The following PDE9A variants were observed in gnomAD, a reference collection of about 807,000 sequenced individuals.
The protein encoded by PDE9A is phosphodiesterase 9A.
PDE9A carries 60 observed loss-of-function variants against 87.4 expected under a neutral mutation model. The observed-to-expected ratio is 0.69, with a 90% CI of 0.56 to 0.85. The LOEUF is 0.85. Among genes scored for constraint, PDE9A ranks in the 40% least tolerant of loss-of-function variants. The pLI, the probability that PDE9A is intolerant of heterozygous loss-of-function variation, is 0.00. For synonymous variants in PDE9A, 272 were observed against 279.4 expected, an observed-to-expected ratio of 0.97 and a Z score of 0.27; for missense variants, 665 against 779.0, an observed-to-expected ratio of 0.85 and a Z score of 1.74.
At chr21:42,768,534 A>G in intron 16 of PDE9A, 2 of 1,301,776 alleles carry the variant, frequency 1.5e-6, no homozygotes. Flanking sequence ...TGTCACTGCT[A>G]ATTGAGCCAT....
At chr21:42,752,517 C>T (rs903757126) in intron 9 of PDE9A, among the ~76,000 whole-genome samples, 1 of 152,244 alleles carries the variant, frequency 6.6e-6, no homozygotes, top group Non-Finnish European at 1.5e-5. Flanking sequence ...GATCCACCCA[C>T]CTCAGCATCC....
At chr21:42,726,624 A>ATATATATT in intron 4 of PDE9A, among the ~76,000 whole-genome samples, 253 of 19,780 alleles carry the variant, frequency 0.013, 6 homozygotes, top group Middle Eastern at 0.033. Context: ...ATATATATAT[A>ATATATATT]TTTTTTTTTT....
chr21:42,654,979 A>G (rs73905712), intron 1 of PDE9A, among the ~76,000 whole-genome samples: 7,675 of 152,250 alleles, frequency 0.05, 637 homozygotes, highest in African/African-American at 0.17. Flanking sequence ...CAGACGCACA[A>G]CTAGACCCAG....
chr21:42,669,355 G>T (rs958378556), intron 1 of PDE9A, among the ~76,000 whole-genome samples: 1 of 152,056 alleles, frequency 6.6e-6, no homozygotes, highest in Non-Finnish European at 1.5e-5. Context: ...TGACATCCCC[G>T]CCTCCCCTGC....
chr21:42,696,049 A>G lies in PDE9A; in HGVS notation c.219-2919A>G, dbSNP rs1251867337. Among the ~76,000 whole-genome samples, 1 of 152,112 alleles carries G rather than the reference A, an allele frequency of 6.6e-6. No homozygotes were observed. The highest frequency in any genetic ancestry group is 1.5e-5 in the Non-Finnish European group (1 of 68,026). ...CACTTTTCCCTCTGTTGCTGATGTG[A>G]TGGCTCCTGCCCTCAGCTTACCAGA... On this transcript the variant is annotated intron_variant, in intron 3 of 19. Transcript: ENST00000291539. The surrounding 1 kb of genome is among the most constrained non-coding windows in gnomAD (Gnocchi z 5.1).
chr21:42,725,874 T>C (rs1181547302), intron 4 of PDE9A, among the ~76,000 whole-genome samples: 3 of 152,216 alleles, frequency 2.0e-5, no homozygotes, highest in Non-Finnish European at 4.4e-5. Context: ...CTTGCATCTT[T>C]AGTTGGTTTT....
chr21:42,768,437 A>G, intron 16 of PDE9A, 145 bp downstream of exon 16: 2 of 1,041,630 alleles, frequency 1.9e-6, no homozygotes, highest in East Asian at 2.7e-5. Flanking sequence ...CTTCAGGGTA[A>G]GCGTACATCA....
At chr21:42,656,310 C>T (rs73905718) in intron 1 of PDE9A, among the ~76,000 whole-genome samples, 1 of 152,038 alleles carries the variant, frequency 6.6e-6, no homozygotes, top group Non-Finnish European at 1.5e-5. Flanking sequence ...TGGGCACACC[C>T]GCCCCTTCGT....
chr21:42,689,818 G>A, intron 3 of PDE9A: 4 of 985,428 alleles, frequency 4.1e-6, no homozygotes, highest in Non-Finnish European at 4.8e-6. Context: ...AGACAGATGA[G>A]GTACCATGAT....
At chr21:42,667,855 C>T (rs973969323) in intron 1 of PDE9A, among the ~76,000 whole-genome samples, 23 of 151,980 alleles carry the variant, frequency 1.5e-4, no homozygotes, top group African/African-American at 3.9e-4. Flanking sequence ...CAGCACAGGA[C>T]GTGTGTTTCT....
At chr21:42,774,436 C>T (rs1316672710) in intron 19 of PDE9A, among the ~76,000 whole-genome samples, 1 of 152,186 alleles carries the variant, frequency 6.6e-6, no homozygotes, top group Non-Finnish European at 1.5e-5. Flanking sequence ...AGTCAAAGTG[C>T]TTGTCTGGTC....
intron 4 of PDE9A, among the ~76,000 whole-genome samples, chr21:42,728,344 G>A (rs1260715199): frequency 6.6e-6 from 1 of 152,154 alleles, no homozygotes; most frequent in Non-Finnish European, 1.5e-5. Flanking sequence ...TATGGTTGAT[G>A]CTTTTAATCA....
chr21:42,769,496 CACGCAGGTACACATGCACACAA>C (rs2056758464), intron 17 of PDE9A, among the ~76,000 whole-genome samples: 1 of 10,458 alleles, frequency 9.6e-5, no homozygotes, highest in Non-Finnish European at 2.7e-4. Context: ...GCACACAAGG[CACGCAGGTACACATGCACACAA>C]GGCACACAGG....
intron 1 of PDE9A, among the ~76,000 whole-genome samples, chr21:42,666,939 G>A (rs951256941): frequency 6.6e-6 from 1 of 152,186 alleles, no homozygotes; most frequent in African/African-American, 2.4e-5. Flanking sequence ...AGCCCAAAAG[G>A]TTGAAAGGCG....
chr21:42,771,037 C>T (rs1347735871), intron 18 of PDE9A, among the ~76,000 whole-genome samples: 1 of 152,264 alleles, frequency 6.6e-6, no homozygotes, highest in African/African-American at 2.4e-5. Context: ...AGGGAGTTTA[C>T]TGGCCGTGCC....
At chr21:42,735,263 C>T (rs1258772019) in intron 7 of PDE9A, among the ~76,000 whole-genome samples, 1 of 152,240 alleles carries the variant, frequency 6.6e-6, no homozygotes, top group Non-Finnish European at 1.5e-5. Flanking sequence ...GGCTCCACAA[C>T]CACTTATGCA....
In PDE9A at chr21:42,705,290, A is replaced by G. The variant is rs970978176; in HGVS notation, c.262+6279A>G. ...GACACAGGCTTCTCAGCATCTTTTT[A>G]TAACGATAGTGCTGATTTTTTGGAA... On this transcript the variant is annotated intron_variant, in intron 4 of 19. Transcript: ENST00000291539. This position sits in a 1 kb window ranked among gnomAD's most constrained non-coding sequence, Gnocchi z 4.3. Among the ~76,000 whole-genome samples the G allele has an allele frequency of 2.0e-5, 3 of 152,236 alleles. No individual in the cohort carries two copies. The highest frequency in any genetic ancestry group is 7.2e-5 in the African/African-American group (3 of 41,470).
chr21:42,743,717 G>T, intron 7 of PDE9A, 59 bp from the exon 8 acceptor site: 1 of 1,119,522 alleles, frequency 8.9e-7, no homozygotes, highest in Non-Finnish European at 1.3e-6. Flanking sequence ...TACCAGCCTT[G>T]AGAGATCCTC....
At chr21:42,771,370 G>A (rs80127928) in intron 18 of PDE9A, among the ~76,000 whole-genome samples, 7,682 of 152,270 alleles carry the variant, frequency 0.05, 632 homozygotes, top group African/African-American at 0.17. Flanking sequence ...CAGGGCCCAC[G>A]CAGTCTTTCT....
Sources: gnomAD v4.1 joint callset for allele counts (sites outside exome capture counted in the v4.1 genomes callset) on GRCh38, gnomAD v4.1.1 for gene constraint, Gnocchi (gnomAD v3.1) non-coding constraint, MANE v1.5 for transcripts, NCBI Gene and HGNC (gene_info 2026-07-23, HGNC 2026-07-21) for gene names.